TENM3: variants seen among roughly 807,000 people sequenced by gnomAD.
TENM3 encodes teneurin-3.
TENM3 carries 63 observed loss-of-function variants against 255.1 expected under a neutral mutation model. That is an observed-to-expected ratio of 0.25 (90% CI 0.20 to 0.30). The LOEUF is 0.30. Among genes scored for constraint, TENM3 ranks in the 10% least tolerant of loss-of-function variants. The probability of loss-of-function intolerance (pLI) is 1.00; values close to 1 mark genes in which losing one functional copy is unlikely to be tolerated. For synonymous variants in TENM3, 1,306 were observed against 1,322.3 expected (o/e 0.99, Z 0.27); for missense variants, 2,929 against 3,461.1 (o/e 0.85, Z 3.86).
chr4:182,680,152 A>G lies in TENM3; in HGVS notation c.1538-96A>G, dbSNP rs1756028914. On this transcript the variant is annotated intron_variant, in intron 8 of 27. Transcript: ENST00000511685. ...GTGACAGTGCTTTGCTTTACTACTC[A>G]AATTATCTAGCATAAATGAAGATCA... 10 of 942,960 alleles carry G rather than the reference A, an allele frequency of 1.1e-5. No individual in the cohort carries two copies. The South Asian group carries it at 1.4e-4, about 13-fold the overall frequency. The allele number at this position is 942,960 out of a possible 1,614,324, so 58.4% of individuals were successfully genotyped here.
chr4:182,676,932 C>T (rs1008428837), intron 7 of TENM3, among the ~76,000 whole-genome samples: 1 of 152,166 alleles, frequency 6.6e-6, no homozygotes, highest in Non-Finnish European at 1.5e-5. Context: ...CGGACTAGTG[C>T]AATTGAAGAG....
At chr4:181,631,923 C>T in the TENM3 span, among the ~76,000 whole-genome samples, 2 of 152,084 alleles carry the variant, frequency 1.3e-5, no homozygotes, top group Non-Finnish European at 1.5e-5. Flanking sequence ...TATGGTCATG[C>T]AGGAGCTGAG....
chr4:182,755,250 C>T lies in TENM3; in HGVS notation c.4883C>T (p.Thr1628Met), dbSNP rs1762642667. 1.2e-5 allele frequency: 19 copies of T among 1,594,556 alleles called. No individual in the cohort carries two copies. Among genetic ancestry groups the T allele is most frequent in the Non-Finnish European group, 1.4e-5 (16 of 1,175,532 alleles). ...AAAAGTGATGAAACTGGATGGACAACGTTTTTTGAGTAAGTATATGAAAAT... is the reference window on the plus strand; with the variant it reads ...AAAAGTGATGAAACTGGATGGACAATGTTTTTTGAGTAAGTATATGAAAAT... ...ATKSDETGWT[T>M]FFDYDSEGRL... Residue 1628 changes from threonine to methionine, a missense_variant, in exon 22 of 28, where the codon ACG becomes ATG. Thr to Met is a moderately conservative substitution (Grantham distance 81, BLOSUM62 -1). Around this residue, in one of 6 missense-constraint regions of TENM3, gnomAD observed 1,608 missense variants for 1,884.4 expected, o/e 0.85. Transcript: ENST00000511685.
chr4:182,416,982 G>GT (rs565693326), intron 3 of TENM3, among the ~76,000 whole-genome samples: 7 of 151,910 alleles, frequency 4.6e-5, no homozygotes, highest in Non-Finnish European at 5.9e-5. Flanking sequence ...TGTTGTTGTT[G>GT]TTTTTTTCTG....
intron 1 of TENM3, among the ~76,000 whole-genome samples, chr4:182,175,575 C>T (rs1752432434): frequency 6.6e-6 from 1 of 152,026 alleles, no homozygotes; most frequent in African/African-American, 2.4e-5. Flanking sequence ...TTTCCCCTGC[C>T]AAGGAGATAC....
chr4:181,860,431 A>G, the TENM3 span, among the ~76,000 whole-genome samples: 417 of 152,366 alleles, frequency 2.7e-3, 2 homozygotes, highest in Non-Finnish European at 3.5e-3. Context: ...GCCAAGTGTT[A>G]CATGACTGTA....
the TENM3 span, among the ~76,000 whole-genome samples, chr4:181,496,530 A>G: frequency 5.9e-5 from 9 of 152,172 alleles, no homozygotes; most frequent in Non-Finnish European, 8.8e-5. Context: ...CTTATTTACA[A>G]TGTTTCTTGC....
the TENM3 span, among the ~76,000 whole-genome samples, chr4:181,827,899 G>A: frequency 6.6e-6 from 1 of 152,108 alleles, no homozygotes; most frequent in African/African-American, 2.4e-5. Context: ...GGCCAAGACA[G>A]GGCTTGTGAC....
At chr4:182,582,581 A>T (rs929692883) in intron 3 of TENM3, among the ~76,000 whole-genome samples, 1 of 152,078 alleles carries the variant, frequency 6.6e-6, no homozygotes, top group Admixed American at 6.6e-5. Flanking sequence ...TGAAGTTACT[A>T]AGTAATTAAA....
intron 3 of TENM3, among the ~76,000 whole-genome samples, chr4:182,452,845 CTTG>C (rs2151330304): frequency 6.6e-6 from 1 of 152,184 alleles, no homozygotes; most frequent in South Asian, 2.1e-4. Flanking sequence ...TTGTATAACT[CTTG>C]TTGGAGTTTT....
At position 182,650,218 on chromosome 4, in the gene TENM3, G is replaced by T. The variant is rs1353009299; in HGVS notation, c.989-3553G>T. On this transcript the variant is annotated intron_variant, in intron 5 of 27. Transcript: ENST00000511685. Reference sequence around the variant, plus strand: ...CACCAGCACAAGGACCATGTCTGTGGCCGGGGATGCCTGGTATCACTCCTG... The same window carrying T: ...CACCAGCACAAGGACCATGTCTGTGTCCGGGGATGCCTGGTATCACTCCTG... Among the ~76,000 whole-genome samples the T allele has an allele frequency of 4.0e-5, 6 of 150,188 alleles. No homozygotes were observed. The South Asian group carries it at 6.6e-4, about 17-fold the overall frequency.
chr4:181,551,888 GTA>G, the TENM3 span, among the ~76,000 whole-genome samples: 34 of 123,102 alleles, frequency 2.8e-4, 1 homozygote, highest in East Asian at 1.6e-3. Flanking sequence ...GTGTGTGTGT[GTA>G]TATAAATTTT....
chr4:182,621,842 T>C, intron 4 of TENM3, among the ~76,000 whole-genome samples: 1 of 132,520 alleles, frequency 7.5e-6, no homozygotes, highest in Non-Finnish European at 1.5e-5. Flanking sequence ...GATGTGGTGG[T>C]GCACATGCTG....
the TENM3 span, among the ~76,000 whole-genome samples, chr4:181,589,880 C>T: frequency 1.3e-5 from 2 of 152,236 alleles, no homozygotes; most frequent in African/African-American, 4.8e-5. Flanking sequence ...CTTCTAGTAT[C>T]GAGAGGACAT....
chr4:182,473,524 T>C (rs1333815734), intron 3 of TENM3, among the ~76,000 whole-genome samples: 1 of 152,000 alleles, frequency 6.6e-6, no homozygotes, highest in East Asian at 1.9e-4. Context: ...ATACAAAAAA[T>C]TAGCCAGGCG....
At chr4:182,039,990 A>C in the TENM3 span, among the ~76,000 whole-genome samples, 2 of 72,922 alleles carry the variant, frequency 2.7e-5, no homozygotes, top group Non-Finnish European at 2.6e-5. Context: ...ATAGGAGGGG[A>C]GGGGAAGGCA....
At chr4:182,349,486 A>C (rs7690845) in intron 3 of TENM3, among the ~76,000 whole-genome samples, 24,399 of 152,108 alleles carry the variant, frequency 0.16, 2,260 homozygotes, top group East Asian at 0.35. Context: ...TATTTAGCAG[A>C]CCTTATAATT....
the TENM3 span, among the ~76,000 whole-genome samples, chr4:182,037,801 C>A: frequency 0.67 from 102,052 of 151,950 alleles, 35,625 homozygotes; most frequent in South Asian, 0.79. Context: ...GGACATATTC[C>A]TACGTAACGA....
chr4:182,777,723 A>C (rs1579464025), intron 24 of TENM3, among the ~76,000 whole-genome samples: 1 of 150,262 alleles, frequency 6.7e-6, no homozygotes, highest in East Asian at 2.0e-4. Flanking sequence ...ATGCCCGGCT[A>C]ATTTTTGTAT....
Sources: gnomAD v4.1 joint callset for allele counts (sites outside exome capture counted in the v4.1 genomes callset) on GRCh38, gnomAD v4.1.1 for gene constraint, gnomAD v4.1.1 regional missense constraint, MANE v1.5 for transcripts, NCBI Gene and HGNC (gene_info 2026-07-23, HGNC 2026-07-21) for gene names.